Variants in NINJ1 observed in about 807,000 individuals in gnomAD.
NINJ1 encodes ninjurin-1.
NINJ1 carries 6 observed loss-of-function variants against 12.7 expected under a neutral mutation model. The observed-to-expected ratio is 0.47, with a 90% CI of 0.26 to 0.93. The LOEUF (loss-of-function observed/expected upper bound fraction) is 0.93. NINJ1 is among the 40% of genes least tolerant of loss of function. The probability of loss-of-function intolerance (pLI) is 0.15; values close to 1 mark genes in which losing one functional copy is unlikely to be tolerated. For synonymous variants in NINJ1, 100 were observed against 96.0 expected (o/e 1.04, Z -0.25); for missense variants, 170 against 213.0 (o/e 0.80, Z 1.26).
intron 1 of NINJ1, among the ~76,000 whole-genome samples, chr9:93,131,946 T>C (rs894785931): frequency 6.6e-6 from 1 of 152,186 alleles, no homozygotes; most frequent in African/African-American, 2.4e-5. Flanking sequence ...CTGAGGGAGC[T>C]GGGCAAAGCG....
chr9:93,126,656 G>A lies in NINJ1; in HGVS notation c.76-18C>T, dbSNP rs755107685. The A allele has an allele frequency of 5.7e-6, 9 of 1,571,842 alleles. No individual in the cohort carries two copies. The African/African-American group carries it at 1.1e-4, about 19-fold the overall frequency. The stretch of plus-strand genomic sequence containing the variant: ...CGGGCCGGCTGCAGGGAGGGGAATG[G>A]TCAGCAAGGCGGGTGGGGGAGGGGG... On this transcript the variant is annotated intron_variant, in intron 1 of 3. Coordinates refer to ENST00000375446, the MANE Select transcript of NINJ1 (RefSeq NM_004148.4).
chr9:93,126,549 C>T lies in NINJ1; in HGVS notation c.165G>A (p.Ala55=), dbSNP rs777230951. 6.8e-6 allele frequency: 11 copies of T among 1,614,008 alleles called. No individual in the cohort carries two copies. The highest frequency in any genetic ancestry group is 1.1e-5 in the South Asian group (1 of 91,088). ...KSAAESMLDI[A]LLMANASQLK... is the part of the protein sequence containing the mutation. ...GCTGGGACGCGTTGGCCATCAGCAG[C>T]GCGATGTCCAGCATGCTCTCGGCTG... Residue 55 remains alanine, a synonymous_variant, in exon 2 of 4, where the codon GCG becomes GCA. Transcript: ENST00000375446.
chr9:93,124,408 G>A (rs549391113), intron 3 of NINJ1, among the ~76,000 whole-genome samples: 1 of 152,202 alleles, frequency 6.6e-6, no homozygotes, highest in East Asian at 1.9e-4. Flanking sequence ...CTGAGTAGCT[G>A]GGACTACAGG....
Position 93,124,932 on chromosome 9 carries a change from C to T in NINJ1, c.435G>A (p.Leu145=), listed in dbSNP as rs1827788404. The T allele has an allele frequency of 6.2e-7, 1 of 1,613,120 alleles. No individual in the cohort carries two copies. Among genetic ancestry groups the T allele is most frequent in the Non-Finnish European group, 8.5e-7 (1 of 1,179,444 alleles). ...CCTACTGCTGGGGTGCCATGTCCAT[C>T]AAGGGCTTCTGGACCCCGAAGGCCG... The part of the protein sequence containing the change: ...FITAFGVQKP[L]MDMAPQQ The change falls in exon 3 of 4, where the codon TTG becomes TTA. Residue 145 remains leucine (L), a synonymous_variant. Coordinates refer to ENST00000375446, the MANE Select transcript of NINJ1 (RefSeq NM_004148.4).
In NINJ1 at chr9:93,122,864, C is replaced by T. The variant is rs80280404; in HGVS notation, c.*10-634G>A. 5.0e-4 allele frequency among the ~76,000 whole-genome samples: 76 copies of T among 152,366 alleles called. 1 individual carries two copies. The East Asian group carries it at 0.013, about 27-fold the overall frequency. ...CCCTCTTCCCGGCAGGCAGATAACTCATGCTTGGGAGAGTTAGGGACTGCA... is the reference window on the plus strand; with the variant it reads ...CCCTCTTCCCGGCAGGCAGATAACTTATGCTTGGGAGAGTTAGGGACTGCA... On this transcript the variant is annotated intron_variant, in intron 3 of 3. Transcript: ENST00000375446.
intron 3 of NINJ1, among the ~76,000 whole-genome samples, chr9:93,124,306 A>T (rs1205847726): frequency 7.9e-5 from 12 of 152,010 alleles, no homozygotes; most frequent in Non-Finnish European, 1.8e-4. Context: ...ACAGAGTCTC[A>T]CTCTGTCGCT....
chr9:93,132,027 G>A (rs536427626), intron 1 of NINJ1, among the ~76,000 whole-genome samples: 3 of 152,314 alleles, frequency 2.0e-5, no homozygotes, highest in Admixed American at 6.5e-5. Context: ...AAGGATGAGG[G>A]CGCTGAGTGC....
chr9:93,128,212 C>T (rs550982849), intron 1 of NINJ1, among the ~76,000 whole-genome samples: 43 of 152,318 alleles, frequency 2.8e-4, no homozygotes, highest in Admixed American at 5.9e-4. Context: ...GGTGTGCTCT[C>T]GGGTCACTCC....
intron 1 of NINJ1, 58 bp downstream of exon 1, chr9:93,134,085 G>T: frequency 7.4e-7 from 1 of 1,358,568 alleles, no homozygotes; most frequent in African/African-American, 1.5e-5. Flanking sequence ...GGGGAGCCGC[G>T]GCGCCCCGAA....
intron 3 of NINJ1, among the ~76,000 whole-genome samples, chr9:93,123,475 G>T (rs906141289): frequency 3.3e-5 from 5 of 152,188 alleles, no homozygotes; most frequent in Admixed American, 3.3e-4. Context: ...GCAGAGACAC[G>T]GTATCTCCAT....
chr9:93,123,580 G>C (rs1245458974), intron 3 of NINJ1, among the ~76,000 whole-genome samples: 1 of 152,192 alleles, frequency 6.6e-6, no homozygotes, highest in Non-Finnish European at 1.5e-5. Context: ...CACCGTGCCT[G>C]GCCTGGGGAA....
Position 93,121,923 on chromosome 9 carries a change from T to C in NINJ1, c.*317A>G, listed in dbSNP as rs1293095800. On this transcript the variant is annotated 3_prime_UTR_variant, in exon 4 of 4. Transcript: ENST00000375446. Reference sequence around the variant, plus strand: ...GACCTGCTGTGTGTCCTTGAGTGGGTCGAGACCCTTCTCTGGGCACAGGTC... The same window carrying C: ...GACCTGCTGTGTGTCCTTGAGTGGGCCGAGACCCTTCTCTGGGCACAGGTC... 6.6e-6 allele frequency: 1 copy of C among 152,298 alleles called. No individual in the cohort carries two copies. Among genetic ancestry groups the C allele is most frequent in the Non-Finnish European group, 1.5e-5 (1 of 68,124 alleles). 9.4% of individuals were successfully genotyped at this position (152,298 alleles called of 1,614,324 possible). A position where few individuals can be genotyped will look rare whatever the true frequency, so the allele number is the denominator to read the frequency against.
rs191128074 is a variant in NINJ1 at position 93,125,282 on chromosome 9, T to C, written c.305-220A>G. On this transcript the variant is annotated intron_variant, in intron 2 of 3. Transcript: ENST00000375446. ...CTGGCTTGGGCAACCCCACGGTCTA[T>C]GACCCCACCTTCTGTAGCCCCCATA... 8 of 446,420 alleles carry C rather than the reference T, an allele frequency of 1.8e-5. No homozygotes were observed. In the East Asian group the frequency reaches 2.3e-4, roughly 13 times the overall value. 27.7% of individuals were successfully genotyped at this position (446,420 alleles called of 1,614,324 possible). A position where few individuals can be genotyped will look rare whatever the true frequency, so the allele number is the denominator to read the frequency against.
intron 1 of NINJ1, among the ~76,000 whole-genome samples, chr9:93,129,843 C>T (rs886919815): frequency 2.0e-5 from 3 of 152,216 alleles, no homozygotes; most frequent in Non-Finnish European, 4.4e-5. Flanking sequence ...CAGTCTGCTT[C>T]CCTGTCCCTA....
chr9:93,131,854 C>T (rs771913464), intron 1 of NINJ1, among the ~76,000 whole-genome samples: 2 of 152,172 alleles, frequency 1.3e-5, no homozygotes, highest in African/African-American at 4.8e-5. Context: ...CTCCCTGAGC[C>T]TTGTCCACCC....
At chr9:93,126,905 G>A (rs1267119851) in intron 1 of NINJ1, among the ~76,000 whole-genome samples, 2 of 152,158 alleles carry the variant, frequency 1.3e-5, no homozygotes, top group East Asian at 3.9e-4. Context: ...TTTTCCACTG[G>A]AAAGCATTGC....
intron 1 of NINJ1, among the ~76,000 whole-genome samples, chr9:93,133,271 G>A (rs1203861010): frequency 6.6e-6 from 1 of 152,258 alleles, no homozygotes; most frequent in Non-Finnish European, 1.5e-5. Flanking sequence ...AGTGGGCAGA[G>A]TGTCTTTGCC....
At chr9:93,128,667 T>C (rs1410884555) in intron 1 of NINJ1, among the ~76,000 whole-genome samples, 2 of 152,232 alleles carry the variant, frequency 1.3e-5, no homozygotes, top group African/African-American at 2.4e-5. Context: ...CCAAAGTGCC[T>C]TCCTTCAAGG....
intron 3 of NINJ1, among the ~76,000 whole-genome samples, chr9:93,123,700 AC>A (rs1827768653): frequency 6.6e-6 from 1 of 151,976 alleles, no homozygotes; most frequent in South Asian, 2.1e-4. Flanking sequence ...AGGAGTGCCC[AC>A]CCCTCCCTTA....
Sources: allele counts gnomAD v4.1 joint callset (sites outside exome capture counted in the v4.1 genomes callset), GRCh38; gene constraint gnomAD v4.1.1; transcripts MANE v1.5; gene names NCBI Gene and HGNC (gene_info 2026-07-23, HGNC 2026-07-21).